ZFYVE9: variants seen among roughly 807,000 people sequenced by gnomAD.
ZFYVE9 encodes the protein zinc finger FYVE-type containing 9.
ZFYVE9 carries 43 observed loss-of-function variants against 126.7 expected under a neutral mutation model. That is an observed-to-expected ratio of 0.34 (90% CI 0.27 to 0.44). The LOEUF is 0.44. Ranked by LOEUF, ZFYVE9 falls within the 20% of genes least tolerant of loss-of-function variation. The pLI is 1.00. For missense variants in ZFYVE9, 1,476 were observed against 1,697.0 expected (o/e 0.87, Z 2.29); for synonymous variants, 521 against 597.4 (o/e 0.87, Z 1.87).
At chr1:52,313,752 G>A (rs1431640929) in intron 13 of ZFYVE9, among the ~76,000 whole-genome samples, 1 of 152,070 alleles carries the variant, frequency 6.6e-6, no homozygotes, top group Non-Finnish European at 1.5e-5. Flanking sequence ...TGAAAGAATG[G>A]GCACATTAAG....
At chr1:52,263,326 T>C (rs562841047) in intron 4 of ZFYVE9, among the ~76,000 whole-genome samples, 9 of 152,318 alleles carry the variant, frequency 5.9e-5, no homozygotes, top group African/African-American at 1.9e-4. Context: ...GGTATAGTTA[T>C]TATTCCACAT....
chr1:52,331,492 C>T (rs975198262), intron 13 of ZFYVE9, among the ~76,000 whole-genome samples: 22 of 149,874 alleles, frequency 1.5e-4, no homozygotes, highest in Non-Finnish European at 2.7e-4. Flanking sequence ...GTGGCTCACA[C>T]CTGTAATCCC....
At chr1:52,205,736 G>A (rs900491971) in intron 1 of ZFYVE9, among the ~76,000 whole-genome samples, 19 of 152,056 alleles carry the variant, frequency 1.2e-4, no homozygotes, top group South Asian at 8.3e-4. Context: ...TTTGTTGTTC[G>A]GATAGAATAG....
At chr1:52,172,097 A>T (rs1644577841) in intron 1 of ZFYVE9, among the ~76,000 whole-genome samples, 1 of 152,038 alleles carries the variant, frequency 6.6e-6, no homozygotes, top group Non-Finnish European at 1.5e-5. Context: ...CTGAATGGTA[A>T]TGCCTAGGTT....
intron 1 of ZFYVE9, among the ~76,000 whole-genome samples, chr1:52,181,785 G>A (rs1441362687): frequency 1.3e-5 from 2 of 151,962 alleles, no homozygotes; most frequent in African/African-American, 4.8e-5. Context: ...ACCCCGTCTG[G>A]GAGGTGAGGA....
chr1:52,327,430 C>T (rs1646302746), intron 13 of ZFYVE9, among the ~76,000 whole-genome samples: 1 of 151,540 alleles, frequency 6.6e-6, no homozygotes, highest in African/African-American at 2.4e-5. Flanking sequence ...GGTGAAACCC[C>T]ATCTGTATTA....
At chr1:52,256,912 G>A (rs1033393584) in intron 4 of ZFYVE9, among the ~76,000 whole-genome samples, 1 of 152,126 alleles carries the variant, frequency 6.6e-6, no homozygotes. Flanking sequence ...CTCCTCTCCT[G>A]TTTTTATTAT....
At chr1:52,275,607 T>C (rs930500236) in intron 8 of ZFYVE9, among the ~76,000 whole-genome samples, 1 of 152,176 alleles carries the variant, frequency 6.6e-6, no homozygotes, top group African/African-American at 2.4e-5. Context: ...TGATATCTCA[T>C]TGTGGTTTTG....
intron 13 of ZFYVE9, among the ~76,000 whole-genome samples, chr1:52,314,526 T>G (rs1481043464): frequency 6.6e-6 from 1 of 152,046 alleles, no homozygotes; most frequent in Non-Finnish European, 1.5e-5. Flanking sequence ...CTACTAAAAG[T>G]ACAAAAGTAC....
chr1:52,242,682 G>A (rs1167416040), intron 4 of ZFYVE9, among the ~76,000 whole-genome samples: 1 of 152,092 alleles, frequency 6.6e-6, no homozygotes, highest in East Asian at 1.9e-4. Flanking sequence ...AAACCAAAAT[G>A]TTTCTTTCCC....
chr1:52,174,915 G>T (rs1644609880), intron 1 of ZFYVE9, among the ~76,000 whole-genome samples: 1 of 152,130 alleles, frequency 6.6e-6, no homozygotes, highest in South Asian at 2.1e-4. Flanking sequence ...CGTGAGATGG[G>T]TGTCCTGAAT....
chr1:52,289,631 AG>A (rs1428648899), intron 10 of ZFYVE9, among the ~76,000 whole-genome samples: 1 of 152,224 alleles, frequency 6.6e-6, no homozygotes, highest in Non-Finnish European at 1.5e-5. Context: ...GCTTCAGATT[AG>A]GTCTTCAGAT....
chr1:52,258,472 G>T (rs553298160), intron 4 of ZFYVE9, among the ~76,000 whole-genome samples: 1 of 141,564 alleles, frequency 7.1e-6, no homozygotes, highest in East Asian at 1.9e-4. Context: ...ATCTTGCTAT[G>T]CCCAGGACAG....
rs1477618559 is a variant in ZFYVE9, at chr1:52,345,091, G to T, written c.4116+147G>T. 2.1e-5 allele frequency: 17 copies of T among 797,944 alleles called. No homozygotes were observed. The East Asian group carries it at 4.2e-4, about 20-fold the overall frequency. The allele number at this position is 797,944 out of a possible 1,614,324, so 49.4% of individuals were successfully genotyped here. A position where few individuals can be genotyped will look rare whatever the true frequency, so the allele number is the denominator to read the frequency against. ...AGTGTTTTTGGCCCTCTCTTTAATA[G>T]TACTATACCCACATGTGATGCTTGG... On this transcript the variant is annotated intron_variant, in intron 18 of 18. Coordinates refer to ENST00000287727, the MANE Select transcript of ZFYVE9 (RefSeq NM_004799.4).
intron 1 of ZFYVE9, among the ~76,000 whole-genome samples, chr1:52,168,214 C>CTTTTTTTTTTTT (rs139943554): frequency 8.7e-6 from 1 of 115,018 alleles, no homozygotes; most frequent in Non-Finnish European, 1.8e-5. Context: ...TCTTCGTCTT[C>CTTTTTTTTTTTT]TTTTTTTTTT....
chr1:52,215,058 A>G (rs1315421508), intron 1 of ZFYVE9, among the ~76,000 whole-genome samples: 1 of 152,226 alleles, frequency 6.6e-6, no homozygotes, highest in Admixed American at 6.5e-5. Flanking sequence ...TCAAGTTGAT[A>G]TATAAAATTA....
intron 13 of ZFYVE9, among the ~76,000 whole-genome samples, chr1:52,307,213 C>A (rs972699973): frequency 6.6e-6 from 1 of 152,084 alleles, no homozygotes; most frequent in Non-Finnish European, 1.5e-5. Context: ...AAAGCTGAGG[C>A]GCTCATAGTT....
At chr1:52,340,002 A>G (rs1646420302) in intron 16 of ZFYVE9, 124 bp from the exon 17 acceptor site, 2 of 726,714 alleles carry the variant, frequency 2.8e-6, no homozygotes, top group Admixed American at 2.5e-5. Context: ...GATGTGCTGC[A>G]CAGGTGTGTT....
intron 1 of ZFYVE9, among the ~76,000 whole-genome samples, chr1:52,207,250 CCTT>C (rs1300568497): frequency 6.6e-6 from 1 of 152,180 alleles, no homozygotes; most frequent in Non-Finnish European, 1.5e-5. Flanking sequence ...TAAGCATGCT[CCTT>C]CTTTTAGTCC....
Sources: allele counts gnomAD v4.1 joint callset (sites outside exome capture counted in the v4.1 genomes callset), GRCh38; gene constraint gnomAD v4.1.1; transcripts MANE v1.5; gene names NCBI Gene and HGNC (gene_info 2026-07-23, HGNC 2026-07-21).